The following TENT5D variants were observed in gnomAD, a reference collection of about 807,000 sequenced individuals.
The protein encoded by TENT5D is terminal nucleotidyltransferase 5D, also known as cancer/testis antigen 112.
For synonymous variants in TENT5D, 103 were observed against 100.6 expected, an observed-to-expected ratio of 1.02 and a Z score of -0.15; for missense variants, 191 against 287.0, an observed-to-expected ratio of 0.67 and a Z score of 2.42.
intron 2 of TENT5D, among the ~76,000 whole-genome samples, chrX:80,439,113 T>C (rs1256045843): frequency 9.0e-6 from 1 of 111,647 alleles, no homozygotes; most frequent in East Asian, 2.8e-4. Context: ...GATTTAAATA[T>C]TCTGCAATGT....
At position 80,443,228 on chromosome X, in the gene TENT5D, AG is replaced by A; in HGVS notation, c.690del (p.Ile231LeufsTer7). ...CTCATATGTACCAGGAAACCTGAAGAGATTAGAGGTGGTGGCCTTCTGAAGT... is the reference window on the plus strand; with the variant it reads ...CTCATATGTACCAGGAAACCTGAAGAATTAGAGGTGGTGGCCTTCTGAAGT... On this transcript the variant is annotated frameshift_variant, in exon 3 of 3. Coordinates refer to ENST00000308293, the Ensembl canonical transcript of TENT5D. LOFTEE classifies it low-confidence loss of function (END_TRUNC). 1 of 1,210,796 alleles carries A rather than the reference AG, an allele frequency of 8.3e-7. No homozygotes were observed. Among genetic ancestry groups the A allele is most frequent in the Non-Finnish European group, 1.1e-6 (1 of 895,001 alleles).
intron 3 of TENT5D, among the ~76,000 whole-genome samples, chrX:80,412,028 G>A (rs750535138): frequency 4.2e-4 from 47 of 112,486 alleles, no homozygotes; most frequent in Non-Finnish European, 7.7e-4. Flanking sequence ...ACTTTTGCCT[G>A]GGCATCCAGG....
At chrX:80,400,030 CCTT>C (rs1931363050) in intron 3 of TENT5D, among the ~76,000 whole-genome samples, 1 of 111,326 alleles carries the variant, frequency 9.0e-6, no homozygotes, top group African/African-American at 3.3e-5. Flanking sequence ...CCATTACAGG[CCTT>C]CTGCAAGCTG....
At chrX:80,378,666 GT>G (rs972793394) in intron 3 of TENT5D, among the ~76,000 whole-genome samples, 3 of 111,208 alleles carry the variant, frequency 2.7e-5, no homozygotes, top group African/African-American at 9.8e-5. Flanking sequence ...GTACCATGCT[GT>G]TTTGGTTACT....
chrX:80,440,293 T>C (rs1294445381), intron 2 of TENT5D, among the ~76,000 whole-genome samples: 3 of 111,364 alleles, frequency 2.7e-5, no homozygotes, highest in Non-Finnish European at 5.7e-5. Flanking sequence ...AAGTTAAATT[T>C]TGGACCACTT....
intron 3 of TENT5D, among the ~76,000 whole-genome samples, chrX:80,381,862 C>CT (rs991683602): frequency 2.7e-5 from 3 of 111,829 alleles, no homozygotes; most frequent in African/African-American, 9.8e-5. Context: ...TTCATCTAAT[C>CT]TTTTTTCAAG....
chrX:80,375,094 G>T (rs1930699183), intron 3 of TENT5D, among the ~76,000 whole-genome samples: 1 of 110,646 alleles, frequency 9.0e-6, no homozygotes, highest in Non-Finnish European at 1.9e-5. Context: ...TTCTTTCATT[G>T]CTATTGTCTT....
intron 3 of TENT5D, among the ~76,000 whole-genome samples, chrX:80,354,796 G>T (rs1479109297): frequency 2.8e-5 from 3 of 106,342 alleles, no homozygotes; most frequent in African/African-American, 9.8e-5. Context: ...TTTTGTTTTT[G>T]TTTTAGTTTG....
upstream of TENT5D, among the ~76,000 whole-genome samples, chrX:80,420,312 A>G (rs1209758401): frequency 9.1e-6 from 1 of 110,099 alleles, no homozygotes; most frequent in Non-Finnish European, 1.9e-5. Flanking sequence ...ATCTAGTATA[A>G]CATTGTCTTT....
At chrX:80,374,242 A>G (rs1299104565) in intron 3 of TENT5D, among the ~76,000 whole-genome samples, 4 of 111,374 alleles carry the variant, frequency 3.6e-5, no homozygotes, top group Non-Finnish European at 7.5e-5. Context: ...CCAGTCTACC[A>G]TTGATGGGCA....
At chrX:80,401,838 A>G (rs2147545943) in intron 3 of TENT5D, among the ~76,000 whole-genome samples, 1 of 112,327 alleles carries the variant, frequency 8.9e-6, no homozygotes, top group Non-Finnish European at 1.9e-5. Context: ...AACTATGTTA[A>G]TCAAGAATAC....
chrX:80,444,387 G>A (rs1932347833), exon 3 of TENT5D: 1 of 122,229 alleles, frequency 8.2e-6, no homozygotes, highest in East Asian at 2.8e-4. Context: ...AAAACATTTA[G>A]TTAATTTGTG....
At chrX:80,356,415 T>A (rs1345974512) in intron 3 of TENT5D, among the ~76,000 whole-genome samples, 1 of 111,539 alleles carries the variant, frequency 9.0e-6, no homozygotes, top group Non-Finnish European at 1.9e-5. Context: ...GAGCCATAGG[T>A]GTCTTTGGGC....
At chrX:80,394,673 C>T (rs5913259) in intron 3 of TENT5D, among the ~76,000 whole-genome samples, 3 of 110,852 alleles carry the variant, frequency 2.7e-5, no homozygotes, top group African/African-American at 9.8e-5. Context: ...GGATTACAGG[C>T]GTGAGCCACC....
intron 3 of TENT5D, among the ~76,000 whole-genome samples, chrX:80,399,148 A>C (rs1184149359): frequency 1.8e-5 from 2 of 111,637 alleles, no homozygotes; most frequent in Admixed American, 1.9e-4. Flanking sequence ...TGCTTTTGTT[A>C]CCTGAGCTTT....
chrX:80,369,079 T>C (rs1930568162), intron 3 of TENT5D, among the ~76,000 whole-genome samples: 1 of 112,106 alleles, frequency 8.9e-6, no homozygotes, highest in African/African-American at 3.2e-5. Flanking sequence ...GGACTTGCCC[T>C]TGTGTATACA....
At chrX:80,435,972 T>G (rs1932175341) in intron 1 of TENT5D, among the ~76,000 whole-genome samples, 1 of 112,044 alleles carries the variant, frequency 8.9e-6, no homozygotes, top group Non-Finnish European at 1.9e-5. Flanking sequence ...ATAAAGTATC[T>G]GCCTTAAGGT....
chrX:80,348,931 T>A (rs777390098), intron 3 of TENT5D, among the ~76,000 whole-genome samples: 67 of 112,356 alleles, frequency 6.0e-4, no homozygotes, highest in African/African-American at 2.1e-3. Context: ...GTGGTTTTTG[T>A]CATTGGTTCT....
At chrX:80,401,287 A>G (rs1440368970) in intron 3 of TENT5D, among the ~76,000 whole-genome samples, 1 of 111,783 alleles carries the variant, frequency 8.9e-6, no homozygotes, top group Non-Finnish European at 1.9e-5. Flanking sequence ...TACTGAATTC[A>G]TTTATCAGTT....
Sources: allele counts gnomAD v4.1 joint callset (sites outside exome capture counted in the v4.1 genomes callset), GRCh38; gene constraint gnomAD v4.1.1; transcripts MANE v1.5; gene names NCBI Gene and HGNC (gene_info 2026-07-23, HGNC 2026-07-21).